TRPM3: variants seen among roughly 807,000 people sequenced by gnomAD.
TRPM3 encodes the protein long transient receptor potential channel 3.
TRPM3 carries 77 observed loss-of-function variants against 181.2 expected under a neutral mutation model. The observed-to-expected ratio is 0.42, with a 90% CI of 0.35 to 0.51. The LOEUF is 0.51. Ranked by LOEUF, TRPM3 falls within the 20% of genes least tolerant of loss-of-function variation. TRPM3 has a pLI of 0.01. For missense variants in TRPM3, 1,759 were observed against 2,196.7 expected, an observed-to-expected ratio of 0.80 and a Z score of 3.98; for synonymous variants, 745 against 796.4, an observed-to-expected ratio of 0.94 and a Z score of 1.09.
At chr9:71,134,507 G>A (rs73465395) in intron 1 of TRPM3, among the ~76,000 whole-genome samples, 145 of 145,032 alleles carry the variant, frequency 1.0e-3, no homozygotes, top group African/African-American at 3.6e-3. Context: ...AGCCAAGATC[G>A]TGACAGTGCA....
chr9:71,235,645 TC>T (rs1352706986), intron 1 of TRPM3, among the ~76,000 whole-genome samples: 2 of 152,204 alleles, frequency 1.3e-5, no homozygotes, highest in Non-Finnish European at 2.9e-5. Context: ...TGATATAATT[TC>T]AGTAAATTGC....
rs774687736 is a variant in TRPM3 at position 70,552,874 on chromosome 9, T to G, written c.3544A>C (p.Ser1182Arg). ...CCGTAGTCCCTTTCATCCGGGTCGC[T>G]CTCGTGTTTCCTCCATCGGCAGCAC... ...HLCCRWRKHE[S>R]DPDERDYGLK... The change falls in exon 24 of 26, where the codon AGC becomes CGC. Residue 1182 changes from serine (S) to arginine (R), a missense_variant. Physicochemically the swap from Ser to Arg is moderately radical, Grantham distance 110 (BLOSUM62 -1). Transcript: ENST00000677713. 6.2e-7 allele frequency: 1 copy of G among 1,614,128 alleles called. No individual in the cohort carries two copies. The highest frequency in any genetic ancestry group is 8.5e-7 in the Non-Finnish European group (1 of 1,180,026).
intron 1 of TRPM3, among the ~76,000 whole-genome samples, chr9:71,112,021 C>G (rs2071219151): frequency 1.3e-5 from 2 of 152,238 alleles, no homozygotes; most frequent in South Asian, 4.1e-4. Context: ...CTATGACTAA[C>G]AGAAAAATAA....
At chr9:70,558,426 T>G (rs942106124) in intron 22 of TRPM3, among the ~76,000 whole-genome samples, 22 of 152,176 alleles carry the variant, frequency 1.4e-4, no homozygotes, top group Admixed American at 1.2e-3. Context: ...AGACTGCATT[T>G]GGAGTCTTGG....
rs955713585 is a variant in TRPM3 at position 71,098,561 on chromosome 9, T to G, written c.177+22617A>C. Among the ~76,000 whole-genome samples, 5 of 152,108 alleles carry G rather than the reference T, an allele frequency of 3.3e-5. 1 individual carries two copies. Among genetic ancestry groups the G allele is most frequent in the Admixed American group, 2.6e-4 (4 of 15,256 alleles). ...TATCATCCAAGCTTTGTTAAACAGA[T>G]CATGTTATATGTGGTCTTGCAAAAT... On this transcript the variant is annotated intron_variant, in intron 1 of 25. Coordinates refer to ENST00000677713, the MANE Select transcript of TRPM3 (RefSeq NM_001366145.2).
chr9:71,354,735 C>T (rs1252594116), intron 1 of TRPM3, among the ~76,000 whole-genome samples: 1 of 152,214 alleles, frequency 6.6e-6, no homozygotes, highest in Admixed American at 6.5e-5. Context: ...CCTCTGTCCT[C>T]TGTCACAATT....
Position 71,387,844 on chromosome 9 carries a change from A to G in TRPM3, c.183+58809T>C, listed in dbSNP as rs1216573481. Among the ~76,000 whole-genome samples the G allele has an allele frequency of 2.0e-5, 3 of 152,130 alleles. No individual in the cohort carries two copies. In the East Asian group the frequency reaches 5.8e-4, roughly 29 times the overall value. On this transcript the variant is annotated intron_variant, in intron 1 of 24. Transcript: ENST00000357533. ...AACATCAAAATAAATATTCATCAAG[A>G]CATGTACAGACACGGGCACACACAG...
intron 1 of TRPM3, among the ~76,000 whole-genome samples, chr9:70,876,531 G>A: frequency 6.6e-6 from 1 of 151,614 alleles, no homozygotes; most frequent in East Asian, 1.9e-4. Context: ...GTTTCTGATA[G>A]ACATTATAAA....
intron 1 of TRPM3, among the ~76,000 whole-genome samples, chr9:71,328,874 A>G (rs1405734440): frequency 6.6e-6 from 1 of 152,234 alleles, no homozygotes; most frequent in Non-Finnish European, 1.5e-5. Flanking sequence ...CACAGAAAGC[A>G]ATGTATCCCT....
intron 1 of TRPM3, among the ~76,000 whole-genome samples, chr9:71,167,695 A>G (rs2076605364): frequency 6.6e-6 from 1 of 152,160 alleles, no homozygotes; most frequent in Admixed American, 6.6e-5. Context: ...CAGCCCTTGC[A>G]CAAGCTGATG....
At chr9:70,792,657 AAGACAGAGAG>A (rs1318309757) in intron 6 of TRPM3, among the ~76,000 whole-genome samples, 10 of 77,588 alleles carry the variant, frequency 1.3e-4, no homozygotes, top group Non-Finnish European at 2.5e-4. Context: ...GAGAGACAGA[AAGACAGAGAG>A]AGAGAGAGAG....
chr9:71,434,332 AT>A (rs935775340), intron 1 of TRPM3, among the ~76,000 whole-genome samples: 2 of 152,174 alleles, frequency 1.3e-5, no homozygotes, highest in African/African-American at 4.8e-5. Flanking sequence ...TGGTGCCCTT[AT>A]AAAAAAGTTC....
chr9:70,791,415 G>T (rs2085375078), intron 6 of TRPM3, among the ~76,000 whole-genome samples: 1 of 152,172 alleles, frequency 6.6e-6, no homozygotes, highest in African/African-American at 2.4e-5. Flanking sequence ...CTTCCCTGAG[G>T]TTGGAACTTC....
At chr9:70,763,836 T>C (rs60753490) in intron 7 of TRPM3, among the ~76,000 whole-genome samples, 23,237 of 152,022 alleles carry the variant, frequency 0.15, 2,363 homozygotes, top group East Asian at 0.39. Flanking sequence ...GCAAATGAAT[T>C]TAATCTAATC....
chr9:71,097,445 CA>C (rs1426550934), intron 1 of TRPM3, among the ~76,000 whole-genome samples: 1 of 151,994 alleles, frequency 6.6e-6, no homozygotes, highest in African/African-American at 2.4e-5. Flanking sequence ...GTGCATTTAA[CA>C]TATTTATATG....
intron 1 of TRPM3, among the ~76,000 whole-genome samples, chr9:71,287,705 T>C (rs937012264): frequency 1.3e-5 from 2 of 151,362 alleles, no homozygotes; most frequent in Non-Finnish European, 2.9e-5. Flanking sequence ...ACTGTATATA[T>C]CAATTGAATA....
intron 1 of TRPM3, among the ~76,000 whole-genome samples, chr9:71,136,117 G>C (rs114658923): frequency 4.5e-4 from 69 of 152,264 alleles, no homozygotes; most frequent in African/African-American, 1.6e-3. Flanking sequence ...CATCGTCCAC[G>C]TAAGGATTTA....
At chr9:70,941,781 G>T (rs2096888507) in intron 1 of TRPM3, among the ~76,000 whole-genome samples, 1 of 152,122 alleles carries the variant, frequency 6.6e-6, no homozygotes, top group Non-Finnish European at 1.5e-5. Context: ...TGAACATCTG[G>T]ATCAGATTTT....
intron 1 of TRPM3, among the ~76,000 whole-genome samples, chr9:70,884,807 T>C (rs2096060632): frequency 6.6e-6 from 1 of 152,190 alleles, no homozygotes; most frequent in South Asian, 2.1e-4. Flanking sequence ...GGCTGAGGAA[T>C]CAATGACTTG....
Sources: gnomAD v4.1 joint callset for allele counts (sites outside exome capture counted in the v4.1 genomes callset) on GRCh38, gnomAD v4.1.1 for gene constraint, MANE v1.5 for transcripts, NCBI Gene and HGNC (gene_info 2026-07-23, HGNC 2026-07-21) for gene names.